CSMD1: variants seen among roughly 807,000 people sequenced by gnomAD.
The protein encoded by CSMD1 is CUB and Sushi multiple domains 1, also known as CUB and sushi domain-containing protein 1.
CSMD1 carries 213 observed loss-of-function variants against 417.5 expected under a neutral mutation model. The observed-to-expected ratio is 0.51, with a 90% CI of 0.46 to 0.57. The LOEUF is 0.57. CSMD1 is among the 20% of genes least tolerant of loss of function. CSMD1 has a pLI of 0.00. For missense variants in CSMD1, 6,923 were observed against 4,529.7 expected (o/e 1.53, Z -15.17); for synonymous variants, 2,862 against 1,736.8 (o/e 1.65, Z -16.11).
intron 3 of CSMD1, among the ~76,000 whole-genome samples, chr8:4,223,636 C>T (rs1714734): frequency 1 from 152,195 of 152,378 alleles, 76,006 homozygotes; most frequent in Middle Eastern, 1. Context: ...GCAGCCAGGA[C>T]TCAGCGAGTT....
chr8:4,540,222 G>T (rs993493190), intron 2 of CSMD1, among the ~76,000 whole-genome samples: 2 of 152,164 alleles, frequency 1.3e-5, no homozygotes, highest in Non-Finnish European at 2.9e-5. Flanking sequence ...ACTGCTGCTG[G>T]TTTGCTCAGA....
intron 3 of CSMD1, among the ~76,000 whole-genome samples, chr8:4,034,895 A>C (rs781039946): frequency 2.4e-4 from 36 of 152,194 alleles, no homozygotes; most frequent in Non-Finnish European, 5.1e-4. Flanking sequence ...AAATCTGCTA[A>C]AGATAACCAC....
intron 5 of CSMD1, among the ~76,000 whole-genome samples, chr8:3,969,453 G>A (rs1450221017): frequency 6.6e-6 from 1 of 152,110 alleles, no homozygotes; most frequent in African/African-American, 2.4e-5. Flanking sequence ...GGTCACTAGT[G>A]TTGTTTAAGA....
chr8:3,883,180 G>C (rs1806319684), intron 5 of CSMD1, among the ~76,000 whole-genome samples: 1 of 152,088 alleles, frequency 6.6e-6, no homozygotes, highest in Non-Finnish European at 1.5e-5. Flanking sequence ...ATGGCTGGGT[G>C]CAAATGCAAG....
intron 3 of CSMD1, among the ~76,000 whole-genome samples, chr8:4,275,323 G>A (rs1796421517): frequency 6.6e-6 from 1 of 152,110 alleles, no homozygotes; most frequent in African/African-American, 2.4e-5. Flanking sequence ...AAGGTATAAA[G>A]CTTCTGTGTT....
intron 2 of CSMD1, among the ~76,000 whole-genome samples, chr8:4,516,095 G>C (rs1487596140): frequency 1.3e-5 from 2 of 152,156 alleles, no homozygotes; most frequent in East Asian, 1.9e-4. Flanking sequence ...GAATGTGACT[G>C]TACCGGGGGC....
At chr8:4,161,271 C>T (rs919290943) in intron 3 of CSMD1, among the ~76,000 whole-genome samples, 2 of 152,144 alleles carry the variant, frequency 1.3e-5, no homozygotes, top group African/African-American at 4.8e-5. Context: ...GCCTTAGAAA[C>T]ATTACATAAC....
At chr8:3,694,867 C>T (rs1165171128) in intron 7 of CSMD1, among the ~76,000 whole-genome samples, 1 of 151,972 alleles carries the variant, frequency 6.6e-6, no homozygotes, top group Non-Finnish European at 1.5e-5. Flanking sequence ...TCCTAAAGAC[C>T]ATAGAAACCT....
chr8:3,386,588 C>A (rs532579841), intron 18 of CSMD1, among the ~76,000 whole-genome samples: 34 of 152,102 alleles, frequency 2.2e-4, no homozygotes, highest in Non-Finnish European at 2.4e-4. Context: ...TTAAAGAAGT[C>A]AAGGTGTTTA....
chr8:3,841,462 C>G (rs1201178996), intron 5 of CSMD1, among the ~76,000 whole-genome samples: 2 of 152,094 alleles, frequency 1.3e-5, no homozygotes, highest in Non-Finnish European at 2.9e-5. Flanking sequence ...ACTTGCAAGA[C>G]CAAGCACTGC....
At chr8:4,368,311 C>G (rs1034128158) in intron 3 of CSMD1, among the ~76,000 whole-genome samples, 2 of 152,194 alleles carry the variant, frequency 1.3e-5, no homozygotes, top group Admixed American at 1.3e-4. Context: ...GTATGTTAAA[C>G]CAACTTTAGA....
Position 3,179,114 on chromosome 8 carries a change from TC to T in CSMD1, c.5725+1995del, listed in dbSNP as rs1309671001. On this transcript the variant is annotated intron_variant, in intron 37 of 69. Transcript: ENST00000635120. ...AGGCCCGCCACCACGCCTGGCTAAT[TC>T]TTTGTATTTTTAGTAGATACGGGGT... Among the ~76,000 whole-genome samples the T allele has an allele frequency of 2.6e-5, 4 of 151,154 alleles. 1 individual carries two copies. The highest frequency in any genetic ancestry group is 2.1e-4 in the South Asian group (1 of 4,678).
intron 3 of CSMD1, among the ~76,000 whole-genome samples, chr8:4,323,475 G>A (rs945491141): frequency 1.7e-5 from 2 of 116,816 alleles, no homozygotes; most frequent in African/African-American, 3.9e-5. Flanking sequence ...ATACATAATG[G>A]GACTAGGGCT....
chr8:2,952,175 C>T (rs1802682932), intron 65 of CSMD1, among the ~76,000 whole-genome samples: 2 of 152,156 alleles, frequency 1.3e-5, no homozygotes, highest in Admixed American at 6.6e-5. Flanking sequence ...TTTCTGCCTT[C>T]TGATGTGCAT....
intron 25 of CSMD1, among the ~76,000 whole-genome samples, chr8:3,305,815 G>T (rs561897185): frequency 1.3e-5 from 2 of 152,236 alleles, no homozygotes; most frequent in African/African-American, 4.8e-5. Context: ...GAGTAGCTGG[G>T]ACTACAGGTG....
intron 2 of CSMD1, among the ~76,000 whole-genome samples, chr8:4,510,519 G>A (rs779936112): frequency 6.7e-6 from 1 of 150,282 alleles, no homozygotes; most frequent in African/African-American, 2.5e-5. Context: ...CATGAACTTA[G>A]GTGAGTCTCT....
chr8:3,583,311 G>C (rs4875739), intron 9 of CSMD1, among the ~76,000 whole-genome samples: 51,237 of 151,280 alleles, frequency 0.34, 10,008 homozygotes, highest in Middle Eastern at 0.44. Context: ...CACAGCTTTG[G>C]AACCGGGTTG....
At chr8:4,662,504 G>C (rs1041328450) in intron 1 of CSMD1, among the ~76,000 whole-genome samples, 1 of 152,112 alleles carries the variant, frequency 6.6e-6, no homozygotes, top group Non-Finnish European at 1.5e-5. Context: ...CTTTCTGGTG[G>C]TGAAAAGTCC....
At chr8:4,440,126 G>A (rs1302823437) in intron 2 of CSMD1, among the ~76,000 whole-genome samples, 1 of 152,144 alleles carries the variant, frequency 6.6e-6, no homozygotes, top group Non-Finnish European at 1.5e-5. Flanking sequence ...TCTTTAAAGT[G>A]CAGCTTTGGT....
Sources: gnomAD v4.1 joint callset for allele counts (sites outside exome capture counted in the v4.1 genomes callset) on GRCh38, gnomAD v4.1.1 for gene constraint, MANE v1.5 for transcripts, NCBI Gene and HGNC (gene_info 2026-07-23, HGNC 2026-07-21) for gene names.